The following TBC1D4 variants were observed in gnomAD, a reference collection of about 807,000 sequenced individuals.
The protein encoded by TBC1D4 is TBC1 domain family member 4.
A neutral mutation model predicts 142.5 loss-of-function variants in TBC1D4; 121 were observed. The ratio of observed to expected loss-of-function variants is 0.85; its 90% CI spans 0.73 to 0.99. TBC1D4 has a LOEUF of 0.99. TBC1D4 is among the 50% of genes least tolerant of loss of function. The pLI, the probability that TBC1D4 is intolerant of heterozygous loss-of-function variation, is 0.00. For missense variants in TBC1D4, 1,475 were observed against 1,606.6 expected, an observed-to-expected ratio of 0.92 and a Z score of 1.40; for synonymous variants, 630 against 628.2, an observed-to-expected ratio of 1.00 and a Z score of -0.04.
At chr13:75,427,296 C>T (rs780596196) in intron 1 of TBC1D4, among the ~76,000 whole-genome samples, 60 of 152,234 alleles carry the variant, frequency 3.9e-4, no homozygotes, top group Non-Finnish European at 5.6e-4. Flanking sequence ...ACCGTGGTCT[C>T]GATCTCCTGA....
Position 75,336,399 on chromosome 13 carries a change from G to GA in TBC1D4, c.1731+521dup, listed in dbSNP as rs1050488415. ...TGACAGAGCAAGACTTCGTCTCAAG[G>GA]AAAAAAAAAAAAGATCATTTTGAGC... is the stretch of plus-strand genomic sequence containing the variant. On this transcript the variant is annotated intron_variant, in intron 8 of 20. Coordinates refer to ENST00000377636, the MANE Select transcript of TBC1D4 (RefSeq NM_014832.5). Among the ~76,000 whole-genome samples the GA allele has an allele frequency of 1.4e-3, 191 of 137,486 alleles. 1 individual carries two copies. The South Asian group carries it at 0.016, about 11-fold the overall frequency. The allele number at this position is 137,486 out of a possible 152,430, so 90.2% of individuals were successfully genotyped here.
intron 1 of TBC1D4, among the ~76,000 whole-genome samples, chr13:75,480,510 A>T (rs2047008633): frequency 6.6e-6 from 1 of 152,344 alleles, no homozygotes; most frequent in Admixed American, 6.5e-5. Context: ...TTTGGTAATT[A>T]GATTTAGAAG....
chr13:75,461,375 T>C (rs1887958801), intron 1 of TBC1D4, among the ~76,000 whole-genome samples: 1 of 152,252 alleles, frequency 6.6e-6, no homozygotes, highest in African/African-American at 2.4e-5. Flanking sequence ...AGTAAAGGAC[T>C]ATCTGTGGAT....
intron 1 of TBC1D4, among the ~76,000 whole-genome samples, chr13:75,479,584 CA>C (rs1888750165): frequency 6.6e-6 from 1 of 151,960 alleles, no homozygotes; most frequent in African/African-American, 2.4e-5. Context: ...TGTCATGCAT[CA>C]GATGTCGCTG....
intron 1 of TBC1D4, among the ~76,000 whole-genome samples, chr13:75,407,010 T>C (rs560241178): frequency 3.3e-5 from 5 of 152,278 alleles, no homozygotes; most frequent in African/African-American, 1.2e-4. Context: ...ATTTCAGGCA[T>C]TCGTGATAAA....
chr13:75,376,201 AC>A (rs1883495389), intron 1 of TBC1D4: 1 of 152,226 alleles, frequency 6.6e-6, no homozygotes, highest in South Asian at 2.1e-4. Flanking sequence ...TTGAAAAAAA[AC>A]AAACAAAAAA....
In TBC1D4 at chr13:75,362,998, G is replaced by A. The variant is rs952749070; in HGVS notation, c.499-391C>T. Among the ~76,000 whole-genome samples, 1 of 152,042 alleles carries A rather than the reference G, an allele frequency of 6.6e-6. No individual in the cohort carries two copies. The highest frequency in any genetic ancestry group is 1.5e-5 in the Non-Finnish European group (1 of 68,004). Reference sequence around the variant, plus strand: ...AGGACAAAATAACCTTTTTTGATGAGGAGATTAAAACCTAGACATCCCTCA... The same window carrying A: ...AGGACAAAATAACCTTTTTTGATGAAGAGATTAAAACCTAGACATCCCTCA... On this transcript the variant is annotated intron_variant, in intron 1 of 20. Coordinates refer to ENST00000377636, the MANE Select transcript of TBC1D4 (RefSeq NM_014832.5). This position sits in a 1 kb window ranked among gnomAD's most constrained non-coding sequence, Gnocchi z 4.2.
rs138505927 is a variant in TBC1D4, at chr13:75,414,107, C to T, written c.499-51500G>A. ...CCTTTATGGCACTGCAATACTACAT[C>T]CGCATTCCCATGGTTGAGTTCATTC... On this transcript the variant is annotated intron_variant, in intron 1 of 20. Coordinates refer to ENST00000377636, the MANE Select transcript of TBC1D4 (RefSeq NM_014832.5). Among the ~76,000 whole-genome samples the T allele has an allele frequency of 1.9e-3, 284 of 152,310 alleles. 1 individual carries two copies. The highest frequency in any genetic ancestry group is 6.4e-3 in the African/African-American group (265 of 41,564).
intron 1 of TBC1D4, among the ~76,000 whole-genome samples, chr13:75,424,320 G>A (rs1886290143): frequency 1.4e-5 from 2 of 147,280 alleles, no homozygotes; most frequent in Admixed American, 6.7e-5. Flanking sequence ...AAAAAATTGT[G>A]AATGCAGAAT....
At chr13:75,289,789 C>T (rs924812981) in intron 19 of TBC1D4, among the ~76,000 whole-genome samples, 12 of 152,164 alleles carry the variant, frequency 7.9e-5, no homozygotes, top group Non-Finnish European at 1.5e-4. Flanking sequence ...ATAGGAAGGT[C>T]GTTTGCTTTG....
At chr13:75,437,377 T>C (rs1046402422) in intron 1 of TBC1D4, among the ~76,000 whole-genome samples, 12 of 152,320 alleles carry the variant, frequency 7.9e-5, no homozygotes, top group African/African-American at 2.9e-4. Context: ...GAGAACTATA[T>C]TGTGAGAGAA....
intron 1 of TBC1D4, among the ~76,000 whole-genome samples, chr13:75,422,176 A>C (rs151208079): frequency 1.1e-3 from 175 of 152,358 alleles, no homozygotes; most frequent in African/African-American, 3.1e-3. Context: ...CCAGATTGCA[A>C]AATACTGAGC....
In TBC1D4 at chr13:75,286,623, A is replaced by G; in HGVS notation, c.*169T>C. ...GTCTACATATGTCCAATGGCTTAGG[A>G]TTGGCATGCTCTGATGAGCACGAGG... On this transcript the variant is annotated 3_prime_UTR_variant, in exon 21 of 21. Transcript: ENST00000377636. 1.5e-6 allele frequency: 1 copy of G among 663,302 alleles called. No individual in the cohort carries two copies. The highest frequency in any genetic ancestry group is 1.8e-5 in the South Asian group (1 of 55,216). 41.1% of individuals were successfully genotyped at this position (663,302 alleles called of 1,614,324 possible). A position where few individuals can be genotyped will look rare whatever the true frequency, so the allele number is the denominator to read the frequency against.
At chr13:75,320,175 T>C (rs1165766233) in intron 11 of TBC1D4, 138 bp from the exon 12 acceptor site, 1 of 877,546 alleles carries the variant, frequency 1.1e-6, no homozygotes, top group Non-Finnish European at 1.8e-6. Context: ...AATGAATAAT[T>C]ATACCTTTTT....
chr13:75,367,865 C>A (rs1883010128), intron 1 of TBC1D4, among the ~76,000 whole-genome samples: 1 of 152,156 alleles, frequency 6.6e-6, no homozygotes, highest in Admixed American at 6.6e-5. Flanking sequence ...TTTAAAACTT[C>A]ATCTTCATAT....
At chr13:75,412,059 G>A (rs574815321) in intron 1 of TBC1D4, among the ~76,000 whole-genome samples, 11 of 152,248 alleles carry the variant, frequency 7.2e-5, no homozygotes, top group South Asian at 2.1e-4. Flanking sequence ...AGCAGTGTTC[G>A]CATGTCTGGG....
At chr13:75,322,665 CTG>C (rs1175155879) in intron 11 of TBC1D4, among the ~76,000 whole-genome samples, 1 of 152,170 alleles carries the variant, frequency 6.6e-6, no homozygotes, top group Non-Finnish European at 1.5e-5. Context: ...AGGAAGGAAA[CTG>C]GGATTCTCCA....
At chr13:75,292,409 T>C (rs1044034914) in intron 18 of TBC1D4, 138 bp from the exon 19 acceptor site, 1 of 686,180 alleles carries the variant, frequency 1.5e-6, no homozygotes, top group Non-Finnish European at 2.4e-6. Flanking sequence ...ATCTAGCTTT[T>C]TTTTAAAAAA....
Position 75,355,482 on chromosome 13 carries a change from T to C in TBC1D4, c.1275+665A>G, listed in dbSNP as rs141449494. ...CTTGAACTCTGCAATACAAAATTGA[T>C]GGGAATATATCTTTTAATCAGCAAT... On this transcript the variant is annotated intron_variant, in intron 4 of 20. Transcript: ENST00000377636. 5.9e-5 allele frequency among the ~76,000 whole-genome samples: 9 copies of C among 152,280 alleles called. No homozygotes were observed. In the East Asian group the frequency reaches 1.2e-3, roughly 20 times the overall value.
Sources: allele counts gnomAD v4.1 joint callset (sites outside exome capture counted in the v4.1 genomes callset), GRCh38; gene constraint gnomAD v4.1.1; non-coding constraint Gnocchi (gnomAD v3.1); transcripts MANE v1.5; gene names NCBI Gene and HGNC (gene_info 2026-07-23, HGNC 2026-07-21).